Variants in MICOS10 observed in about 807,000 individuals in gnomAD.
MICOS10 encodes the protein MICOS complex subunit MIC10.
A neutral mutation model predicts 13.4 loss-of-function variants in MICOS10; 5 were observed. The observed-to-expected ratio is 0.37, with a 90% confidence interval of 0.20 to 0.78. The LOEUF (loss-of-function observed/expected upper bound fraction) is 0.78. MICOS10 is among the 30% of genes least tolerant of loss of function. The probability of loss-of-function intolerance (pLI) is 0.47; values close to 1 mark genes in which losing one functional copy is unlikely to be tolerated. For synonymous variants in MICOS10, 35 were observed against 33.6 expected, an observed-to-expected ratio of 1.04 and a Z score of -0.15; for missense variants, 101 against 94.6, an observed-to-expected ratio of 1.07 and a Z score of -0.28.
intron 2 of MICOS10, among the ~76,000 whole-genome samples, 182 bp downstream of exon 2, chr1:19,622,329 A>G (rs1229518374): frequency 6.6e-6 from 1 of 152,184 alleles, no homozygotes; most frequent in Admixed American, 6.5e-5. Flanking sequence ...AGAGGTCAAA[A>G]TGGGTTGGGC....
Position 19,620,039 on chromosome 1 carries a change from G to A in MICOS10, c.65-2061G>A, listed in dbSNP as rs149437522. Reference sequence around the variant, plus strand: ...TAGGGAAGGCAAAGTTATATAAACTGTATTCATTGTTAAATATTTGCTTCC... The same window carrying A: ...TAGGGAAGGCAAAGTTATATAAACTATATTCATTGTTAAATATTTGCTTCC... On this transcript the variant is annotated intron_variant, in intron 1 of 3. Coordinates refer to ENST00000322753, the MANE Select transcript of MICOS10 (RefSeq NM_001032363.4). 8.8e-4 allele frequency among the ~76,000 whole-genome samples: 134 copies of A among 152,346 alleles called. 1 individual carries two copies. Among genetic ancestry groups the A allele is most frequent in the African/African-American group, 3.2e-3 (132 of 41,578 alleles).
chr1:19,613,264 G>A (rs888969549), intron 1 of MICOS10, among the ~76,000 whole-genome samples: 4 of 152,204 alleles, frequency 2.6e-5, no homozygotes, highest in Non-Finnish European at 4.4e-5. Flanking sequence ...GGCTTCTTCA[G>A]ATCTGTCCTC....
chr1:19,597,336 G>T (rs1432334635), intron 1 of MICOS10, among the ~76,000 whole-genome samples: 1 of 152,200 alleles, frequency 6.6e-6, no homozygotes, highest in Non-Finnish European at 1.5e-5. Flanking sequence ...TGGAGTTGCA[G>T]CCCGGAGGAG....
At position 19,626,577 on chromosome 1, in the gene MICOS10, C is replaced by A. The variant is rs2094922799; in HGVS notation, c.*176C>A. ...AAGTCTGTTTCTTGTTTTGTATTTT[C>A]TCTCTGGAAGTTGTAAGGAGGTGGT... On this transcript the variant is annotated 3_prime_UTR_variant, in exon 4 of 4. Transcript: ENST00000322753. 2.9e-6 allele frequency: 2 copies of A among 689,908 alleles called. No homozygotes were observed. The highest frequency in any genetic ancestry group is 4.1e-4 in the Middle Eastern group (1 of 2,460). 42.7% of individuals were successfully genotyped at this position (689,908 alleles called of 1,614,324 possible). A position where few individuals can be genotyped will look rare whatever the true frequency, so the allele number is the denominator to read the frequency against.
chr1:19,619,615 G>A (rs1229825999), intron 1 of MICOS10, among the ~76,000 whole-genome samples: 1 of 152,148 alleles, frequency 6.6e-6, no homozygotes, highest in Non-Finnish European at 1.5e-5. Context: ...GTTCATGGGC[G>A]CAGAGTTTTC....
At chr1:19,599,206 G>A (rs840268) in intron 1 of MICOS10, among the ~76,000 whole-genome samples, 16,631 of 152,046 alleles carry the variant, frequency 0.11, 3,078 homozygotes, top group African/African-American at 0.38. Context: ...ATAGGTGTGT[G>A]CCACCATGCT....
At chr1:19,612,443 C>G (rs894494643) in intron 1 of MICOS10, among the ~76,000 whole-genome samples, 4 of 151,754 alleles carry the variant, frequency 2.6e-5, no homozygotes, top group African/African-American at 9.7e-5. Context: ...AAGACTCTAG[C>G]CAGGCGTGGT....
intron 1 of MICOS10, among the ~76,000 whole-genome samples, chr1:19,609,793 C>T (rs1336906595): frequency 6.6e-6 from 1 of 152,062 alleles, no homozygotes; most frequent in Non-Finnish European, 1.5e-5. Context: ...GAAATACAAA[C>T]CAATCTAATG....
intron 3 of MICOS10, among the ~76,000 whole-genome samples, chr1:19,625,138 A>G (rs1011976544): frequency 1.3e-5 from 2 of 152,216 alleles, no homozygotes; most frequent in Non-Finnish European, 2.9e-5. Context: ...ATTTCTACCT[A>G]TAGTGTTGTT....
At chr1:19,616,213 G>A (rs1027833324) in intron 1 of MICOS10, among the ~76,000 whole-genome samples, 13 of 152,164 alleles carry the variant, frequency 8.5e-5, no homozygotes. Context: ...GCTGCACCCG[G>A]CCACTTTCCA....
At chr1:19,610,165 C>G (rs1341133689) in intron 1 of MICOS10, among the ~76,000 whole-genome samples, 1 of 151,768 alleles carries the variant, frequency 6.6e-6, no homozygotes, top group Non-Finnish European at 1.5e-5. Flanking sequence ...AAGCATAGCC[C>G]ATAATTCTTA....
In MICOS10 at chr1:19,623,598, TA is replaced by T; in HGVS notation, c.222+16del. The T allele has an allele frequency of 6.5e-7, 1 of 1,527,356 alleles. No individual in the cohort carries two copies. The highest frequency in any genetic ancestry group is 1.7e-4 in the Middle Eastern group (1 of 5,896). 94.6% of individuals were successfully genotyped at this position (1,527,356 alleles called of 1,614,324 possible). ...AATATGTCAAAGTATGTACAGAATA[TA>T]TATTTCTCTTTCCTTCAGAAGAAAA... On this transcript the variant is annotated intron_variant, in intron 3 of 3. Transcript: ENST00000322753.
chr1:19,614,681 C>T (rs553250839), intron 1 of MICOS10: 10 of 152,346 alleles, frequency 6.6e-5, no homozygotes, highest in African/African-American at 2.4e-4. Flanking sequence ...CTCTTCCTTT[C>T]CAAGCAATCC....
chr1:19,621,997 G>GA (rs1010122024), intron 1 of MICOS10, 103 bp from the exon 2 acceptor site: 35 of 864,656 alleles, frequency 4.0e-5, no homozygotes, highest in Non-Finnish European at 5.6e-5. Flanking sequence ...ACCAAATTAT[G>GA]AAAAAAAATC....
At chr1:19,609,083 C>T (rs2094848011) in intron 1 of MICOS10, among the ~76,000 whole-genome samples, 1 of 144,990 alleles carries the variant, frequency 6.9e-6, no homozygotes, top group African/African-American at 2.6e-5. Context: ...ACGGGAGCCT[C>T]AGCCTCCTGG....
chr1:19,600,968 T>C (rs1335140346), intron 1 of MICOS10: 1 of 1,289,396 alleles, frequency 7.8e-7, no homozygotes, highest in East Asian at 5.6e-5. Context: ...GCACAGCAAC[T>C]TCTGTGAGTC....
intron 1 of MICOS10, among the ~76,000 whole-genome samples, chr1:19,619,333 T>C (rs1465323820): frequency 2.0e-5 from 3 of 152,250 alleles, no homozygotes; most frequent in Non-Finnish European, 1.5e-5. Flanking sequence ...TGCTTCTAAT[T>C]ATTTGCAGTG....
intron 2 of MICOS10, among the ~76,000 whole-genome samples, chr1:19,623,221 T>G (rs1425823747): frequency 6.6e-6 from 1 of 152,146 alleles, no homozygotes; most frequent in Non-Finnish European, 1.5e-5. Context: ...GCGCCTGGCC[T>G]TTACTACTTA....
At chr1:19,605,956 T>A (rs1209293620) in intron 1 of MICOS10, among the ~76,000 whole-genome samples, 1 of 152,216 alleles carries the variant, frequency 6.6e-6, no homozygotes, top group Non-Finnish European at 1.5e-5. Flanking sequence ...TCGAAGAAAT[T>A]CATTGAATGG....
Sources: gnomAD v4.1 joint callset for allele counts (sites outside exome capture counted in the v4.1 genomes callset) on GRCh38, gnomAD v4.1.1 for gene constraint, MANE v1.5 for transcripts, NCBI Gene and HGNC (gene_info 2026-07-23, HGNC 2026-07-21) for gene names.